ENOX1: variants seen among roughly 807,000 people sequenced by gnomAD.
ENOX1 encodes candidate growth-related and time keeping constitutive hydroquinone (NADH) oxidase.
In ENOX1, 42 loss-of-function variants were observed where a neutral mutation model predicts 82.5. The observed-to-expected ratio is 0.51, with a 90% CI of 0.40 to 0.66. The LOEUF is 0.66. ENOX1 is among the 30% of genes least tolerant of loss of function. The pLI, the probability that ENOX1 is intolerant of heterozygous loss-of-function variation, is 0.00. For synonymous variants in ENOX1, 271 were observed against 282.2 expected, an observed-to-expected ratio of 0.96 and a Z score of 0.40; for missense variants, 608 against 811.6, an observed-to-expected ratio of 0.75 and a Z score of 3.05.
At chr13:43,269,696 C>T in intron 12 of ENOX1, 119 bp from the exon 13 acceptor site, 5 of 770,920 alleles carry the variant, frequency 6.5e-6, no homozygotes, top group Non-Finnish European at 1.1e-5. Context: ...AAGCTTAATT[C>T]AGACCTCAGT....
intron 2 of ENOX1, among the ~76,000 whole-genome samples, chr13:43,587,834 G>A (rs2081065170): frequency 6.6e-6 from 1 of 151,986 alleles, no homozygotes; most frequent in Non-Finnish European, 1.5e-5. Flanking sequence ...ACTATTAGTT[G>A]ATACAACTTC....
intron 1 of ENOX1, among the ~76,000 whole-genome samples, chr13:43,693,310 A>G (rs1008722869): frequency 1.3e-5 from 2 of 152,190 alleles, no homozygotes; most frequent in African/African-American, 4.8e-5. Context: ...ATGGAGAAAG[A>G]CAAAAACCAA....
chr13:43,298,220 G>A (rs1333790029), intron 12 of ENOX1, 126 bp downstream of exon 12: 2 of 999,544 alleles, frequency 2.0e-6, no homozygotes, highest in African/African-American at 3.3e-5. Flanking sequence ...TTCTGTCCTA[G>A]TAACATAGCT....
intron 2 of ENOX1, among the ~76,000 whole-genome samples, chr13:43,649,964 C>T (rs1031178211): frequency 6.6e-6 from 1 of 152,212 alleles, no homozygotes; most frequent in African/African-American, 2.4e-5. Flanking sequence ...GACAACCCTC[C>T]TCTCCTACTC....
chr13:43,327,155 G>T (rs566890752), intron 9 of ENOX1, among the ~76,000 whole-genome samples: 3 of 152,268 alleles, frequency 2.0e-5, no homozygotes, highest in Non-Finnish European at 4.4e-5. Context: ...GCAGGGAACA[G>T]GAACCATAGC....
rs374947715 is a variant in ENOX1, at chr13:43,593,455, T to C, written c.-219+74024A>G. 2.2e-4 allele frequency among the ~76,000 whole-genome samples: 32 copies of C among 144,250 alleles called. No individual in the cohort carries two copies. In the East Asian group the frequency reaches 5.8e-3, roughly 26 times the overall value. The allele number at this position is 144,250 out of a possible 152,430, so 94.6% of individuals were successfully genotyped here. On this transcript the variant is annotated intron_variant, in intron 2 of 16. Coordinates refer to ENST00000690772, the MANE Select transcript of ENOX1 (RefSeq NM_001347969.2). ...GCTTTGTTTTCTTGGTTATTCTGTC[T>C]GCAGCGAAACCCTTAAAACAAAACA...
chr13:43,289,168 T>C (rs923014415), intron 12 of ENOX1, among the ~76,000 whole-genome samples: 1 of 152,186 alleles, frequency 6.6e-6, no homozygotes, highest in Non-Finnish European at 1.5e-5. Context: ...GATTCACCAC[T>C]ATTCCTATCA....
chr13:43,262,093 TATTTATTTATTC>T (rs1369487302), intron 14 of ENOX1, among the ~76,000 whole-genome samples: 2 of 152,064 alleles, frequency 1.3e-5, no homozygotes, highest in Non-Finnish European at 2.9e-5. Context: ...AAGATGATAG[TATTTATTTATTC>T]ATTTATTTAT....
intron 12 of ENOX1, among the ~76,000 whole-genome samples, chr13:43,284,721 T>G (rs747378441): frequency 5.3e-5 from 8 of 152,140 alleles, no homozygotes; most frequent in Non-Finnish European, 1.2e-4. Context: ...ATATACTTTC[T>G]TCTTTATTTT....
chr13:43,609,977 T>C (rs966240464), intron 2 of ENOX1: 1 of 848,182 alleles, frequency 1.2e-6, no homozygotes, highest in South Asian at 5.4e-5. Flanking sequence ...AGTTGTTTTA[T>C]CAGGAAATAA....
chr13:43,607,581 T>C (rs571682509), intron 2 of ENOX1, among the ~76,000 whole-genome samples: 2 of 152,238 alleles, frequency 1.3e-5, no homozygotes, highest in East Asian at 1.9e-4. Context: ...ATATATGAGA[T>C]ACATTATTAC....
rs571570121 is a variant in ENOX1 at position 43,313,130 on chromosome 13, A to G, written c.1261+9254T>C. Among the ~76,000 whole-genome samples the G allele has an allele frequency of 4.6e-5, 7 of 152,308 alleles. No individual in the cohort carries two copies. The East Asian group carries it at 1.4e-3, about 29-fold the overall frequency. On this transcript the variant is annotated intron_variant, in intron 11 of 16. Transcript: ENST00000690772. The stretch of plus-strand genomic sequence containing the variant: ...TTAACCTGAAAAGGAGAAAGCTAGT[A>G]TTGAGCTCTAGGCTTTCCACTTACG...
At chr13:43,723,682 A>G (rs1264327036) in intron 1 of ENOX1, among the ~76,000 whole-genome samples, 1 of 152,178 alleles carries the variant, frequency 6.6e-6, no homozygotes, top group African/African-American at 2.4e-5. Context: ...ATATCACACT[A>G]TAAATGGGAC....
chr13:43,651,594 G>A (rs2084172110), intron 2 of ENOX1, among the ~76,000 whole-genome samples: 1 of 151,498 alleles, frequency 6.6e-6, no homozygotes, highest in Non-Finnish European at 1.5e-5. Context: ...CTACTCAGGA[G>A]GCTATGGCAG....
At chr13:43,369,279 T>C (rs9525762) in intron 5 of ENOX1, among the ~76,000 whole-genome samples, 39,059 of 151,802 alleles carry the variant, frequency 0.26, 5,454 homozygotes, top group East Asian at 0.46. Context: ...CCACCTTTTC[T>C]GACATCTAAA....
intron 3 of ENOX1, among the ~76,000 whole-genome samples, chr13:43,461,841 A>G (rs1164076745): frequency 6.6e-6 from 1 of 152,238 alleles, no homozygotes; most frequent in Non-Finnish European, 1.5e-5. Context: ...AGAACCTTGT[A>G]TGAGACCAAC....
intron 1 of ENOX1, among the ~76,000 whole-genome samples, chr13:43,777,806 C>A (rs1952010449): frequency 6.6e-6 from 1 of 152,046 alleles, no homozygotes; most frequent in Non-Finnish European, 1.5e-5. Flanking sequence ...CCCTTGGCCT[C>A]CCAAAGTCTG....
chr13:43,703,012 T>C (rs1386039503), intron 1 of ENOX1, among the ~76,000 whole-genome samples: 1 of 142,506 alleles, frequency 7.0e-6, no homozygotes. Context: ...GCCCCTTCTG[T>C]CAAGAGAGGA....
intron 2 of ENOX1, among the ~76,000 whole-genome samples, chr13:43,527,588 G>T (rs2078041684): frequency 6.6e-6 from 1 of 152,194 alleles, no homozygotes; most frequent in African/African-American, 2.4e-5. Context: ...CAGCTCAGCT[G>T]AGAAGAAATC....
Sources: allele counts gnomAD v4.1 joint callset (sites outside exome capture counted in the v4.1 genomes callset), GRCh38; gene constraint gnomAD v4.1.1; transcripts MANE v1.5; gene names NCBI Gene and HGNC (gene_info 2026-07-23, HGNC 2026-07-21).